The following ZBTB43 variants were observed in gnomAD, a reference collection of about 807,000 sequenced individuals.
ZBTB43 encodes zinc finger and BTB domain-containing protein 43.
Under a neutral mutation model 31.1 loss-of-function variants are expected in ZBTB43, and 6 were observed. That is an observed-to-expected ratio of 0.19 (90% CI 0.11 to 0.38). The LOEUF (loss-of-function observed/expected upper bound fraction) is 0.38, where lower values mean the gene tolerates loss of function less well. Among genes scored for constraint, ZBTB43 ranks in the 10% least tolerant of loss-of-function variants. The pLI is 1.00. For missense variants in ZBTB43, 379 were observed against 602.1 expected (o/e 0.63, Z 3.88); for synonymous variants, 212 against 221.7 (o/e 0.96, Z 0.39).
chr9:126,816,387 A>G (rs1038101197), intron 2 of ZBTB43, among the ~76,000 whole-genome samples: 2 of 152,030 alleles, frequency 1.3e-5, no homozygotes, highest in South Asian at 2.1e-4. Context: ...CTTTTTTCAT[A>G]TCATTCTACT....
chr9:126,837,222 C>T lies in ZBTB43; in HGVS notation c.*3309C>T, dbSNP rs2032900560. On this transcript the variant is annotated 3_prime_UTR_variant, in exon 3 of 3. Coordinates refer to ENST00000373464, the MANE Select transcript of ZBTB43 (RefSeq NM_014007.4). ...ACTAAGGAAGGACTGCGGTAACTTACCCTGCAGGGCTGTAGGTTGCCTGCA... is the reference window on the plus strand; with the variant it reads ...ACTAAGGAAGGACTGCGGTAACTTATCCTGCAGGGCTGTAGGTTGCCTGCA... 1 of 167,082 alleles carries T rather than the reference C, an allele frequency of 6.0e-6. No homozygotes were observed. Among genetic ancestry groups the T allele is most frequent in the Admixed American group, 6.5e-5 (1 of 15,286 alleles). The allele number at this position is 167,082 out of a possible 1,614,324, so 10.3% of individuals were successfully genotyped here.
chr9:126,826,545 GCTCCACCTCCCGGGTTCA>G (rs2032644479), intron 2 of ZBTB43, among the ~76,000 whole-genome samples: 1 of 123,982 alleles, frequency 8.1e-6, no homozygotes, highest in Non-Finnish European at 1.6e-5. Flanking sequence ...CTCACTGCAA[GCTCCACCTCCCGGGTTCA>G]CGCCATTCTC....
intron 2 of ZBTB43, chr9:126,831,975 A>AT (rs1316008604): frequency 6.8e-6 from 1 of 147,006 alleles, no homozygotes; most frequent in East Asian, 2.0e-4. Context: ...AAAAAAAAAA[A>AT]CTAGCTGGAC....
chr9:126,826,414 T>C (rs2032637451), intron 2 of ZBTB43, among the ~76,000 whole-genome samples: 1 of 149,376 alleles, frequency 6.7e-6, no homozygotes, highest in South Asian at 2.1e-4. Flanking sequence ...TCCAAAGTGC[T>C]GAGATTACAG....
At chr9:126,826,284 T>C (rs542066389) in intron 2 of ZBTB43, among the ~76,000 whole-genome samples, 1 of 150,260 alleles carries the variant, frequency 6.7e-6, no homozygotes, top group East Asian at 2.0e-4. Flanking sequence ...AGTGCTGGGA[T>C]TACAGGCATG....
intron 2 of ZBTB43, among the ~76,000 whole-genome samples, chr9:126,811,217 C>CAA (rs370772691): frequency 2.9e-4 from 25 of 86,668 alleles, no homozygotes; most frequent in Admixed American, 4.0e-4. Context: ...GACTCCATCT[C>CAA]AAAAAAAAAA....
rs574063330 is a variant in ZBTB43 at position 126,830,391 on chromosome 9, A to T, written c.-23-2096A>T. ...CTGGGCGCAGTGGCTCACGCCTGTC[A>T]TTCCAGCACTTTGGGAGGCCAGGCG... is the stretch of plus-strand genomic sequence containing the variant. On this transcript the variant is annotated intron_variant, in intron 2 of 2. Coordinates refer to ENST00000373464, the MANE Select transcript of ZBTB43 (RefSeq NM_014007.4). Among the ~76,000 whole-genome samples, 6 of 152,316 alleles carry T rather than the reference A, an allele frequency of 3.9e-5. No homozygotes were observed. The East Asian group carries it at 1.2e-3, about 29-fold the overall frequency.
Position 126,837,024 on chromosome 9 carries a change from A to T in ZBTB43, c.*3111A>T, listed in dbSNP as rs529951993. ...GAGGCGGAGGCAGGAGAATCACTTG[A>T]ACCTGGGAGGCGGAGGTTGCAGTGA... On this transcript the variant is annotated 3_prime_UTR_variant, in exon 3 of 3. Transcript: ENST00000373464. The T allele has an allele frequency of 5.6e-4, 87 of 155,732 alleles. No individual in the cohort carries two copies. The highest frequency in any genetic ancestry group is 8.1e-4 in the Non-Finnish European group (55 of 68,094). The allele number at this position is 155,732 out of a possible 1,614,324, so 9.6% of individuals were successfully genotyped here. A position where few individuals can be genotyped will look rare whatever the true frequency, so the allele number is the denominator to read the frequency against.
At chr9:126,825,705 A>T (rs1382160191) in intron 2 of ZBTB43, among the ~76,000 whole-genome samples, 3 of 152,122 alleles carry the variant, frequency 2.0e-5, no homozygotes, top group Admixed American at 1.3e-4. Context: ...TCTACTTGTA[A>T]ATATAGCCAG....
rs149565905 is a variant in ZBTB43 at position 126,810,664 on chromosome 9, C to A, written c.-24+1749C>A. Among the ~76,000 whole-genome samples, 723 of 151,724 alleles carry A rather than the reference C, an allele frequency of 4.8e-3. 4 individuals are homozygous for A. The highest frequency in any genetic ancestry group is 0.016 in the African/African-American group (654 of 41,386). Reference sequence around the variant, plus strand: ...TACAGGCATGGGCCACCATGCACAGCTAATTTTTTTTTGTACTTTTAGTAG... The same window carrying A: ...TACAGGCATGGGCCACCATGCACAGATAATTTTTTTTTGTACTTTTAGTAG... On this transcript the variant is annotated intron_variant, in intron 2 of 2. Coordinates refer to ENST00000373464, the MANE Select transcript of ZBTB43 (RefSeq NM_014007.4).
rs2032848808 is a variant in ZBTB43 at position 126,834,898 on chromosome 9, T to A, written c.*985T>A. 1 of 167,034 alleles carries A rather than the reference T, an allele frequency of 6.0e-6. No individual in the cohort carries two copies. Among genetic ancestry groups the A allele is most frequent in the African/African-American group, 2.4e-5 (1 of 41,426 alleles). The allele number at this position is 167,034 out of a possible 1,614,324, so 10.3% of individuals were successfully genotyped here. On this transcript the variant is annotated 3_prime_UTR_variant, in exon 3 of 3. Transcript: ENST00000373464. ...GGAGCCACAAGTTGTGGCTGAGAGT[T>A]CCCTGTGAACTTGAGTAGTTCATAG...
chr9:126,825,223 G>A (rs1227023613), intron 2 of ZBTB43, among the ~76,000 whole-genome samples: 1 of 152,124 alleles, frequency 6.6e-6, no homozygotes, highest in East Asian at 1.9e-4. Flanking sequence ...TTACAGGCAT[G>A]AGCAACTGTG....
At position 126,833,178 on chromosome 9, in the gene ZBTB43, C is replaced by T. The variant is rs77338315; in HGVS notation, c.669C>T (p.Ala223=). 5.6e-6 allele frequency: 9 copies of T among 1,613,834 alleles called. No homozygotes were observed. Among genetic ancestry groups the T allele is most frequent in the Middle Eastern group, 1.6e-4 (1 of 6,062 alleles). Residue 223 remains alanine (A), a synonymous_variant, in exon 3 of 3, where the codon GCC becomes GCT. Coordinates refer to ENST00000373464, the MANE Select transcript of ZBTB43 (RefSeq NM_014007.4). The surrounding 1 kb of genome is among the most constrained non-coding windows in gnomAD (Gnocchi z 7.9). The part of the protein sequence containing the change: ...QDGEEGASDS[A]EFHYTRPMYS... ...GGGAGGAGGGCGCCAGCGACAGCGC[C>T]GAGTTCCACTACACCCGGCCCATGT... is the stretch of plus-strand genomic sequence containing the variant.
intron 2 of ZBTB43, among the ~76,000 whole-genome samples, chr9:126,825,750 T>G: frequency 6.6e-6 from 1 of 152,000 alleles, no homozygotes; most frequent in South Asian, 2.1e-4. Context: ...CTTCAATGTG[T>G]GAACTGAGGG....
chr9:126,814,565 G>A lies in ZBTB43; in HGVS notation c.-24+5650G>A, dbSNP rs189776987. On this transcript the variant is annotated intron_variant, in intron 2 of 2. Coordinates refer to ENST00000373464, the MANE Select transcript of ZBTB43 (RefSeq NM_014007.4). ...TCCCAACACTTTGGGAGGCCGAGGT[G>A]GGCAGATCACGAGGTCAGGAGATCG... 5.0e-4 allele frequency among the ~76,000 whole-genome samples: 76 copies of A among 151,946 alleles called. 1 individual carries two copies. Among genetic ancestry groups the A allele is most frequent in the Admixed American group, 1.8e-3 (27 of 15,256 alleles).
chr9:126,819,084 T>A (rs1039176366), intron 2 of ZBTB43, among the ~76,000 whole-genome samples: 18 of 152,270 alleles, frequency 1.2e-4, no homozygotes, highest in Admixed American at 1.1e-3. Flanking sequence ...CAGTTTTCTC[T>A]CTTATTGATT....
At chr9:126,828,122 G>A (rs1039504441) in intron 2 of ZBTB43, among the ~76,000 whole-genome samples, 2 of 152,056 alleles carry the variant, frequency 1.3e-5, no homozygotes, top group South Asian at 4.2e-4. Flanking sequence ...GAGGAAAAAA[G>A]GCTGGGTCCC....
In ZBTB43 at chr9:126,809,582, G is replaced by A. The variant is rs187297319; in HGVS notation, c.-24+667G>A. Among the ~76,000 whole-genome samples the A allele has an allele frequency of 1.6e-3, 239 of 152,230 alleles. 1 individual carries two copies. The highest frequency in any genetic ancestry group is 2.9e-4 in the Non-Finnish European group (20 of 68,020). ...GATGTTTAATAGGTGTTTAAATCAC[G>A]TATAAAATTTGACTTGGAGTTCCTC... is the stretch of plus-strand genomic sequence containing the variant. On this transcript the variant is annotated intron_variant, in intron 2 of 2. Transcript: ENST00000373464.
chr9:126,828,710 A>G (rs2032705448), intron 2 of ZBTB43, among the ~76,000 whole-genome samples: 2 of 149,154 alleles, frequency 1.3e-5, no homozygotes, highest in African/African-American at 4.9e-5. Context: ...TATATCTGAC[A>G]CAAACCCTGG....
Sources: allele counts gnomAD v4.1 joint callset (sites outside exome capture counted in the v4.1 genomes callset), GRCh38; gene constraint gnomAD v4.1.1; non-coding constraint Gnocchi (gnomAD v3.1); transcripts MANE v1.5; gene names NCBI Gene and HGNC (gene_info 2026-07-23, HGNC 2026-07-21).